The following LRBA variants were observed in gnomAD, a reference collection of about 807,000 sequenced individuals.
LRBA encodes lipopolysaccharide-responsive and beige-like anchor protein.
Under a neutral mutation model 330.0 loss-of-function variants are expected in LRBA, and 176 were observed. That is an observed-to-expected ratio of 0.53 (90% CI 0.47 to 0.60). LRBA has a LOEUF of 0.60. LRBA is among the 20% of genes least tolerant of loss of function. LRBA has a pLI of 0.00. For missense variants in LRBA, 3,259 were observed against 3,444.8 expected (o/e 0.95, Z 1.35); for synonymous variants, 1,230 against 1,193.0 (o/e 1.03, Z -0.64).
At chr4:150,932,854 T>A (rs575951839) in intron 2 of LRBA, among the ~76,000 whole-genome samples, 6 of 151,970 alleles carry the variant, frequency 3.9e-5, no homozygotes, top group African/African-American at 9.7e-5. Context: ...AGGCAGAGGT[T>A]GCAGTTAGCC....
At chr4:150,492,323 A>C (rs777316538) in intron 40 of LRBA, among the ~76,000 whole-genome samples, 5 of 152,146 alleles carry the variant, frequency 3.3e-5, no homozygotes, top group Non-Finnish European at 5.9e-5. Context: ...GAAAATACAA[A>C]ACAAAAAGTT....
At chr4:150,568,612 T>C (rs1769453699) in intron 40 of LRBA, among the ~76,000 whole-genome samples, 1 of 152,144 alleles carries the variant, frequency 6.6e-6, no homozygotes, top group Non-Finnish European at 1.5e-5. Flanking sequence ...GATTATTTTA[T>C]CAGCACTGCA....
chr4:150,690,605 C>A (rs1784041693), intron 36 of LRBA, among the ~76,000 whole-genome samples: 1 of 150,064 alleles, frequency 6.7e-6, no homozygotes, highest in African/African-American at 2.5e-5. Context: ...ATGAAGAGCA[C>A]TGGTTATTAG....
intron 47 of LRBA, among the ~76,000 whole-genome samples, chr4:150,359,812 C>A (rs1561064740): frequency 2.0e-5 from 3 of 151,772 alleles, no homozygotes; most frequent in African/African-American, 7.3e-5. Flanking sequence ...AACCCCGTCT[C>A]TACTAAAAAT....
chr4:150,884,842 G>C (rs1214414686), intron 17 of LRBA, among the ~76,000 whole-genome samples: 1 of 151,860 alleles, frequency 6.6e-6, no homozygotes, highest in Non-Finnish European at 1.5e-5. Context: ...AACTTGTAAG[G>C]TCCAAATGTT....
chr4:150,617,758 C>T (rs1161042710), intron 37 of LRBA, among the ~76,000 whole-genome samples: 1 of 152,144 alleles, frequency 6.6e-6, no homozygotes, highest in African/African-American at 2.4e-5. Flanking sequence ...TTTCTTTTAC[C>T]AGTTCATTGC....
intron 22 of LRBA, among the ~76,000 whole-genome samples, chr4:150,853,984 GAAGAA>G (rs1235002307): frequency 6.6e-6 from 1 of 152,016 alleles, no homozygotes; most frequent in African/African-American, 2.4e-5. Context: ...GACAATCAAG[GAAGAA>G]AAGCTGATTT....
At chr4:150,764,472 A>G (rs1334440864) in intron 34 of LRBA, among the ~76,000 whole-genome samples, 2 of 152,074 alleles carry the variant, frequency 1.3e-5, no homozygotes, top group Admixed American at 1.3e-4. Flanking sequence ...AATATACAAA[A>G]GTCAACCACT....
At chr4:150,758,492 T>C (rs2126448562) in intron 35 of LRBA, among the ~76,000 whole-genome samples, 2 of 152,012 alleles carry the variant, frequency 1.3e-5, no homozygotes, top group African/African-American at 4.8e-5. Flanking sequence ...TCTTACCTCC[T>C]CTACTGCTAG....
chr4:150,477,971 C>A (rs1756900300), intron 42 of LRBA, among the ~76,000 whole-genome samples: 1 of 152,052 alleles, frequency 6.6e-6, no homozygotes, highest in South Asian at 2.1e-4. Context: ...ATACACTTGG[C>A]ATCATATTTT....
Position 150,424,419 on chromosome 4 carries a change from T to C in LRBA, c.7042-8829A>G, listed in dbSNP as rs189640176. 4.6e-5 allele frequency among the ~76,000 whole-genome samples: 7 copies of C among 152,304 alleles called. No individual in the cohort carries two copies. The East Asian group carries it at 9.6e-4, about 21-fold the overall frequency. The stretch of plus-strand genomic sequence containing the variant: ...AAAGAGACCCAAAACACTTCTACTA[T>C]TAAATATTGAAATAAATGTGAGCTA... On this transcript the variant is annotated intron_variant, in intron 46 of 56. Transcript: ENST00000651943.
chr4:150,872,675 T>A lies in LRBA; in HGVS notation c.2246A>T (p.His749Leu), dbSNP rs1194975721. 5 of 1,607,486 alleles carry A rather than the reference T, an allele frequency of 3.1e-6. No individual in the cohort carries two copies. The highest frequency in any genetic ancestry group is 4.3e-6 in the Non-Finnish European group (5 of 1,175,532). ...TCGGCATACTTACTTTGGGGCCAGA[T>A]GTTTTAAAAAATAACCCATTGCCTT... ...ALKAMGYFLK[H>L]LAPKRKAEVM... Residue 749 changes from histidine (H) to leucine (L), a missense_variant, in exon 18 of 57, where the codon CAT becomes CTT. Physicochemically the swap from His to Leu is moderately conservative, Grantham distance 99. Transcript: ENST00000651943.
At chr4:150,754,908 T>C (rs1055847248) in intron 35 of LRBA, among the ~76,000 whole-genome samples, 1 of 152,218 alleles carries the variant, frequency 6.6e-6, no homozygotes, top group Non-Finnish European at 1.5e-5. Context: ...TCAAATTTTA[T>C]CTTCCACTGA....
intron 40 of LRBA, among the ~76,000 whole-genome samples, chr4:150,544,175 T>C (rs1003076080): frequency 2.6e-5 from 4 of 152,028 alleles, no homozygotes; most frequent in Non-Finnish European, 5.9e-5. Context: ...TTGCCCAGAC[T>C]GGAGTGCAGT....
At chr4:150,551,233 C>T (rs1030820712) in intron 40 of LRBA, among the ~76,000 whole-genome samples, 25 of 152,062 alleles carry the variant, frequency 1.6e-4, no homozygotes, top group African/African-American at 4.1e-4. Context: ...AAGCATGAGC[C>T]AAATAAATTC....
At chr4:150,461,574 GA>G (rs1398737624) in intron 44 of LRBA, among the ~76,000 whole-genome samples, 4 of 151,632 alleles carry the variant, frequency 2.6e-5, no homozygotes, top group Admixed American at 2.0e-4. Context: ...TACTTAAAGG[GA>G]TTTTGTGAAG....
Position 150,713,606 on chromosome 4 carries a change from A to G in LRBA, c.5754+21652T>C, listed in dbSNP as rs561147678. 6.6e-4 allele frequency among the ~76,000 whole-genome samples: 101 copies of G among 152,302 alleles called. 2 individuals carry two copies. The South Asian group carries it at 0.02, about 30-fold the overall frequency. On this transcript the variant is annotated intron_variant, in intron 36 of 56. Transcript: ENST00000651943. ...ATTCTTTTAAATTTGTGTTTTAACA[A>G]TATTTGTCTAATAAGTGAAGTAAAT...
chr4:150,948,734 T>C (rs187992427), intron 2 of LRBA, among the ~76,000 whole-genome samples: 13 of 151,944 alleles, frequency 8.6e-5, no homozygotes, highest in East Asian at 5.8e-4. Flanking sequence ...CTAAAAAATA[T>C]AGTCTCTCAA....
In LRBA at chr4:150,830,828, A is replaced by T. The variant is rs1459576175; in HGVS notation, c.4729+989T>A. On this transcript the variant is annotated intron_variant, in intron 29 of 56. Coordinates refer to ENST00000651943, the MANE Select transcript of LRBA (RefSeq NM_001364905.1). Reference sequence around the variant, plus strand: ...CCCAGGCTGGAGTTGTTGTGGTGGGATCTCTGCTCACTGCAACCTCTGCCT... The same window carrying T: ...CCCAGGCTGGAGTTGTTGTGGTGGGTTCTCTGCTCACTGCAACCTCTGCCT... 8.7e-5 allele frequency among the ~76,000 whole-genome samples: 11 copies of T among 126,548 alleles called. No individual in the cohort carries two copies. In the East Asian group the frequency reaches 2.6e-3, roughly 30 times the overall value. 83.0% of individuals were successfully genotyped at this position (126,548 alleles called of 152,430 possible).
Sources: allele counts gnomAD v4.1 joint callset (sites outside exome capture counted in the v4.1 genomes callset), GRCh38; gene constraint gnomAD v4.1.1; transcripts MANE v1.5; gene names NCBI Gene and HGNC (gene_info 2026-07-23, HGNC 2026-07-21).